MTUS2: variants seen among roughly 807,000 people sequenced by gnomAD.
The protein encoded by MTUS2 is microtubule associated scaffold protein 2, also known as microtubule-associated tumor suppressor candidate 2.
MTUS2 carries 40 observed loss-of-function variants against 114.1 expected under a neutral mutation model. That is an observed-to-expected ratio of 0.35 (90% CI 0.27 to 0.46). MTUS2 has a LOEUF of 0.46. Among genes scored for constraint, MTUS2 ranks in the 20% least tolerant of loss-of-function variants. The probability of loss-of-function intolerance (pLI) is 1.00; values close to 1 mark genes in which losing one functional copy is unlikely to be tolerated. For missense variants in MTUS2, 1,679 were observed against 1,705.4 expected (o/e 0.98, Z 0.27); for synonymous variants, 688 against 672.0 (o/e 1.02, Z -0.37).
At chr13:29,090,803 A>G (rs371157427) in intron 4 of MTUS2, among the ~76,000 whole-genome samples, 8 of 152,314 alleles carry the variant, frequency 5.3e-5, no homozygotes, top group African/African-American at 1.9e-4. Flanking sequence ...GTCTTTGGGG[A>G]TGGGCACCTA....
chr13:29,307,180 G>A (rs902513341), intron 6 of MTUS2: 10 of 515,694 alleles, frequency 1.9e-5, no homozygotes, highest in Admixed American at 2.5e-5. Context: ...CGTGATGGGC[G>A]TGACCCATGA....
chr13:28,946,304 T>TGCAC (rs1555276634), intron 2 of MTUS2, among the ~76,000 whole-genome samples: 2 of 150,332 alleles, frequency 1.3e-5, no homozygotes, highest in African/African-American at 4.9e-5. Context: ...TGTGTGTGTG[T>TGCAC]GCGCGCGCAC....
intron 5 of MTUS2, among the ~76,000 whole-genome samples, chr13:29,241,281 A>T (rs904847313): frequency 2.1e-5 from 3 of 145,168 alleles, no homozygotes; most frequent in Non-Finnish European, 3.0e-5. Context: ...GAACAATTTC[A>T]TGGAGACTTT....
chr13:29,235,292 C>T (rs965131720), intron 5 of MTUS2, among the ~76,000 whole-genome samples: 1 of 152,044 alleles, frequency 6.6e-6, no homozygotes, highest in African/African-American at 2.4e-5. Flanking sequence ...GGGGTTTCTC[C>T]ATGTTGGTCA....
intron 7 of MTUS2, among the ~76,000 whole-genome samples, chr13:29,348,063 G>A (rs1212890285): frequency 1.3e-5 from 2 of 151,744 alleles, no homozygotes; most frequent in South Asian, 4.2e-4. Flanking sequence ...ATACTTTAGG[G>A]ATTTTTATAA....
At chr13:29,027,901 C>T (rs1335505415) in intron 3 of MTUS2, among the ~76,000 whole-genome samples, 5 of 152,192 alleles carry the variant, frequency 3.3e-5, no homozygotes, top group African/African-American at 7.2e-5. Context: ...AGTCACCCAC[C>T]ACAAAGGAAG....
At chr13:29,033,700 G>A (rs550528977) in intron 3 of MTUS2, among the ~76,000 whole-genome samples, 185 bp from the exon 4 acceptor site, 3 of 152,056 alleles carry the variant, frequency 2.0e-5, no homozygotes, top group Non-Finnish European at 4.4e-5. Context: ...AGACCTGAGA[G>A]ATCATCCAGT....
chr13:29,437,514 A>G (rs73444038), intron 8 of MTUS2, among the ~76,000 whole-genome samples: 3,362 of 152,302 alleles, frequency 0.022, 128 homozygotes, highest in African/African-American at 0.076. Context: ...ATCTGGTCAT[A>G]TTATACTGCT....
At chr13:29,166,337 C>T (rs1893315454) in intron 5 of MTUS2, among the ~76,000 whole-genome samples, 2 of 152,178 alleles carry the variant, frequency 1.3e-5, no homozygotes, top group African/African-American at 4.8e-5. Flanking sequence ...GAGTAGAATT[C>T]CAGATATGAA....
At chr13:28,891,321 T>C (rs1460569868) in intron 2 of MTUS2, among the ~76,000 whole-genome samples, 9 of 152,222 alleles carry the variant, frequency 5.9e-5, no homozygotes, top group African/African-American at 2.2e-4. Context: ...CTGGTGCTTG[T>C]GGTTGCCTCT....
chr13:28,986,452 G>A lies in MTUS2; in HGVS notation c.-242-38005G>A, dbSNP rs190268863. Among the ~76,000 whole-genome samples the A allele has an allele frequency of 1.0e-3, 157 of 152,318 alleles. 1 individual carries two copies. The highest frequency in any genetic ancestry group is 3.7e-3 in the African/African-American group (153 of 41,576). ...CAGCAGCTGGGACTCCCACTTAGTT[G>A]TATTAAACATGCTACCTCCAGTGTC... On this transcript the variant is annotated intron_variant, in intron 2 of 15. Transcript: ENST00000612955.
At position 29,024,819 on chromosome 13, in the gene MTUS2, A is replaced by G; in HGVS notation, c.121A>G (p.Met41Val). 1 of 1,614,020 alleles carries G rather than the reference A, an allele frequency of 6.2e-7. No individual in the cohort carries two copies. Among genetic ancestry groups the G allele is most frequent in the Non-Finnish European group, 8.5e-7 (1 of 1,179,898 alleles). Residue 41 changes from methionine (M) to valine (V), a missense_variant, in exon 3 of 16, where the codon ATG becomes GTG. This residue lies in a region of MTUS2 where 843 missense variants were observed against 770.8 expected (regional missense o/e 1.09). Transcript: ENST00000612955. ...GGGAGATACGAATGCCAATCAAATC[A>G]TGTTGGAGGTCAGCTCCTCTCATGA... ...SLGDTNANQI[M>V]LEVSSSHDES...
intron 8 of MTUS2, among the ~76,000 whole-genome samples, chr13:29,365,510 T>TTGTGTG (rs56164752): frequency 9.5e-4 from 139 of 146,872 alleles, no homozygotes; most frequent in African/African-American, 2.2e-3. Flanking sequence ...TTGTTTGGGT[T>TTGTGTG]TGTGTGTGTG....
At chr13:29,114,363 G>A (rs1593491098) in intron 5 of MTUS2, among the ~76,000 whole-genome samples, 1 of 152,194 alleles carries the variant, frequency 6.6e-6, no homozygotes, top group African/African-American at 2.4e-5. Context: ...TCATACTGTT[G>A]ATCAGAAGAC....
At chr13:29,267,615 G>A (rs999211069) in intron 5 of MTUS2, among the ~76,000 whole-genome samples, 3 of 152,148 alleles carry the variant, frequency 2.0e-5, no homozygotes, top group South Asian at 2.1e-4. Flanking sequence ...TTGTTCCAGC[G>A]GGCACATTAC....
Position 29,026,377 on chromosome 13 carries a change from T to C in MTUS2, c.1679T>C (p.Val560Ala). Residue 560 changes from valine (V) to alanine (A), a missense_variant, in exon 3 of 16, where the codon GTG becomes GCG. By Grantham distance (64) the Val-to-Ala change is moderately conservative (BLOSUM62 0). Transcript: ENST00000612955. The part of the protein sequence containing the change: ...TPSSSFQDVS[V>A]FGMDAGSPLV... ...AGTAGCAGTTTTCAGGATGTTAGCG[T>C]GTTCGGTATGGATGCGGGGTCCCCC... 6.2e-7 allele frequency: 1 copy of C among 1,613,832 alleles called. No homozygotes were observed.
intron 2 of MTUS2, among the ~76,000 whole-genome samples, chr13:28,971,015 T>C (rs1349384650): frequency 2.0e-5 from 3 of 152,240 alleles, no homozygotes; most frequent in Non-Finnish European, 4.4e-5. Flanking sequence ...ACTCGATAGT[T>C]ATTAAATCGC....
At chr13:28,843,614 T>C (rs991504800) in intron 2 of MTUS2, among the ~76,000 whole-genome samples, 1 of 152,232 alleles carries the variant, frequency 6.6e-6, no homozygotes, top group Non-Finnish European at 1.5e-5. Flanking sequence ...GGCAATTCTC[T>C]TAAGATGATA....
chr13:28,852,026 C>A (rs957284298), intron 2 of MTUS2, among the ~76,000 whole-genome samples: 1 of 152,192 alleles, frequency 6.6e-6, no homozygotes, highest in African/African-American at 2.4e-5. Context: ...CCCTCCCCCT[C>A]GCTCCTGATG....
Sources: allele counts gnomAD v4.1 joint callset (sites outside exome capture counted in the v4.1 genomes callset), GRCh38; gene constraint gnomAD v4.1.1; regional missense constraint gnomAD v4.1.1; transcripts MANE v1.5; gene names NCBI Gene and HGNC (gene_info 2026-07-23, HGNC 2026-07-21).